PRKAR1A: variants seen among roughly 807,000 people sequenced by gnomAD.
PRKAR1A encodes cAMP-dependent protein kinase type I-alpha regulatory subunit.
In PRKAR1A, 3 loss-of-function variants were observed where a neutral mutation model predicts 52.0. The observed-to-expected ratio is 0.06, with a 90% CI of 0.03 to 0.15. The LOEUF (loss-of-function observed/expected upper bound fraction) is 0.15. Among genes scored for constraint, PRKAR1A ranks in the 10% least tolerant of loss-of-function variants. The pLI is 1.00. For synonymous variants in PRKAR1A, 188 were observed against 168.4 expected, an observed-to-expected ratio of 1.12 and a Z score of -0.90; for missense variants, 240 against 477.4, an observed-to-expected ratio of 0.50 and a Z score of 4.63.
chr17:68,432,855 C>T, the PRKAR1A span, among the ~76,000 whole-genome samples: 10 of 152,190 alleles, frequency 6.6e-5, no homozygotes, highest in Admixed American at 5.2e-4. Context: ...TCTCACTCCT[C>T]CATCTTTCCA....
the PRKAR1A span, chr17:68,421,961 T>A: frequency 3.1e-6 from 3 of 980,116 alleles, no homozygotes; most frequent in African/African-American, 4.8e-5. Context: ...AACTCGCTCA[T>A]GGCCACAGAA....
At chr17:68,417,805 T>C in the PRKAR1A span, among the ~76,000 whole-genome samples, 1 of 127,022 alleles carries the variant, frequency 7.9e-6, no homozygotes, top group Admixed American at 1.1e-4. Context: ...TGGAGTGCAG[T>C]GGCACGATCT....
intron 11 of PRKAR1A, among the ~76,000 whole-genome samples, chr17:68,548,807 A>T (rs1450804763): frequency 7.7e-6 from 1 of 129,198 alleles, no homozygotes; most frequent in Admixed American, 1.0e-4. Context: ...ATCTTGGCTC[A>T]CTGCAAGCTC....
chr17:68,516,860 G>A (rs1393558628), intron 2 of PRKAR1A, among the ~76,000 whole-genome samples: 1 of 152,212 alleles, frequency 6.6e-6, no homozygotes, highest in Non-Finnish European at 1.5e-5. Flanking sequence ...GGTCATAGAT[G>A]TAGCTTGTTT....
At chr17:68,452,697 G>T in the PRKAR1A span, among the ~76,000 whole-genome samples, 6 of 152,186 alleles carry the variant, frequency 3.9e-5, no homozygotes, top group African/African-American at 1.4e-4. Flanking sequence ...TCTATAAAAA[G>T]AAAATGTTAC....
intron 11 of PRKAR1A, chr17:68,542,740 CTCTAGGA>C: frequency 6.2e-7 from 1 of 1,614,138 alleles, no homozygotes; most frequent in African/African-American, 1.3e-5. Context: ...TCTTGGTGAC[CTCTAGGA>C]TTTCCTTGGT....
chr17:68,530,239 A>G (rs923392243), intron 10 of PRKAR1A, 38 bp from the exon 11 acceptor site: 13 of 1,610,180 alleles, frequency 8.1e-6, no homozygotes, highest in South Asian at 6.6e-5. Flanking sequence ...AATGTTTTTC[A>G]TAGAAGTTAG....
intron 11 of PRKAR1A, among the ~76,000 whole-genome samples, chr17:68,545,773 A>G (rs2086526335): frequency 1.3e-5 from 2 of 152,204 alleles, no homozygotes; most frequent in Non-Finnish European, 2.9e-5. Context: ...AAGTTTGCAT[A>G]ATATTCTAAA....
the PRKAR1A span, among the ~76,000 whole-genome samples, chr17:68,448,923 C>T: frequency 6.6e-6 from 1 of 152,314 alleles, no homozygotes; most frequent in Non-Finnish European, 1.5e-5. Flanking sequence ...CTTACTCCTG[C>T]TACTCCCTAC....
chr17:68,426,069 G>A, the PRKAR1A span: 1 of 1,612,630 alleles, frequency 6.2e-7, no homozygotes, highest in Admixed American at 1.7e-5. Context: ...GGTTCCTAAT[G>A]CTCACAGGAG....
At chr17:68,419,042 G>A in the PRKAR1A span, among the ~76,000 whole-genome samples, 21 of 148,630 alleles carry the variant, frequency 1.4e-4, no homozygotes, top group African/African-American at 5.2e-4. Flanking sequence ...AAAGTCATCG[G>A]AATCATAAAG....
chr17:68,540,706 C>G, intron 11 of PRKAR1A: 1 of 1,037,242 alleles, frequency 9.6e-7, no homozygotes. Flanking sequence ...TCCTCTGGGA[C>G]CTCCGCCACT....
At chr17:68,466,409 CTTTT>C in the PRKAR1A span, among the ~76,000 whole-genome samples, 2 of 118,352 alleles carry the variant, frequency 1.7e-5, no homozygotes, top group Non-Finnish European at 3.4e-5. Context: ...TTTTCTCTCT[CTTTT>C]TTTTTTTTTT....
downstream of PRKAR1A, among the ~76,000 whole-genome samples, chr17:68,538,327 G>T (rs2086155409): frequency 6.6e-6 from 1 of 152,220 alleles, no homozygotes; most frequent in Admixed American, 6.5e-5. Context: ...TGCTCATCCA[G>T]TCCTGCTCTG....
chr17:68,482,876 T>G, the PRKAR1A span, among the ~76,000 whole-genome samples: 1 of 152,238 alleles, frequency 6.6e-6, no homozygotes, highest in African/African-American at 2.4e-5. Context: ...GAGCAAGCTA[T>G]GAGTTTTCCA....
At chr17:68,485,238 A>T in the PRKAR1A span, among the ~76,000 whole-genome samples, 1 of 152,228 alleles carries the variant, frequency 6.6e-6, no homozygotes, top group Non-Finnish European at 1.5e-5. Context: ...GGAGAGTGGG[A>T]AACAAAGATC....
chr17:68,421,059 A>T, the PRKAR1A span: 4 of 155,018 alleles, frequency 2.6e-5, no homozygotes, highest in African/African-American at 9.7e-5. Context: ...TAGATCCTGA[A>T]ATCCTACATT....
the PRKAR1A span, among the ~76,000 whole-genome samples, chr17:68,495,958 T>C: frequency 2.3e-5 from 2 of 88,282 alleles, no homozygotes; most frequent in African/African-American, 4.7e-5. Context: ...TCCTTTCCTC[T>C]CCTCTCTCCT....
downstream of PRKAR1A, chr17:68,537,675 C>G: frequency 6.2e-7 from 1 of 1,613,740 alleles, no homozygotes; most frequent in Non-Finnish European, 8.5e-7. The surrounding 1 kb of genome is among the most constrained non-coding windows in gnomAD (Gnocchi z 4.2). Context: ...ATTCTCGCAT[C>G]ACATCGCTGA....
Sources: gnomAD v4.1 joint callset for allele counts (sites outside exome capture counted in the v4.1 genomes callset) on GRCh38, gnomAD v4.1.1 for gene constraint, Gnocchi (gnomAD v3.1) non-coding constraint, MANE v1.5 for transcripts, NCBI Gene and HGNC (gene_info 2026-07-23, HGNC 2026-07-21) for gene names.